The following ESR2 variants were observed in gnomAD, a reference collection of about 807,000 sequenced individuals.
ESR2 encodes estrogen receptor beta.
Under a neutral mutation model 49.6 loss-of-function variants are expected in ESR2, and 36 were observed. The ratio of observed to expected loss-of-function variants is 0.73; its 90% CI spans 0.56 to 0.96. ESR2 has a LOEUF of 0.96. Among genes scored for constraint, ESR2 ranks in the 40% least tolerant of loss-of-function variants. ESR2 has a pLI of 0.00. For synonymous variants in ESR2, 320 were observed against 266.1 expected (o/e 1.20, Z -1.97); for missense variants, 714 against 693.0 (o/e 1.03, Z -0.34).
intron 3 of ESR2, among the ~76,000 whole-genome samples, chr14:64,279,370 T>G (rs1329136561): frequency 6.6e-6 from 1 of 152,008 alleles, no homozygotes; most frequent in East Asian, 1.9e-4. Flanking sequence ...AGTTTGATTC[T>G]TTTCATCAAC....
intron 1 of ESR2, among the ~76,000 whole-genome samples, chr14:64,310,138 T>C (rs1453141473): frequency 6.6e-6 from 1 of 151,758 alleles, no homozygotes; most frequent in Non-Finnish European, 1.5e-5. Flanking sequence ...CCGAGCACGC[T>C]GGCAGGTGCC....
chr14:64,325,980 A>AATT lies in ESR2; in HGVS notation c.-91+11917_-91+11918insAAT, dbSNP rs564056972. On this transcript the variant is annotated intron_variant, in intron 1 of 8. Coordinates refer to the ESR2 transcript ENST00000358599. ...GGGAGGAGTCAACAATTATACACAG[A>AATT]TTTTTTTTTTTTTTGCATGATGGCC... is the stretch of plus-strand genomic sequence containing the variant. Among the ~76,000 whole-genome samples, 891 of 144,188 alleles carry AATT rather than the reference A, an allele frequency of 6.2e-3. 11 individuals are homozygous for AATT. The highest frequency in any genetic ancestry group is 0.021 in the African/African-American group (845 of 39,544). The allele number at this position is 144,188 out of a possible 152,430, so 94.6% of individuals were successfully genotyped here. A position where few individuals can be genotyped will look rare whatever the true frequency, so the allele number is the denominator to read the frequency against.
upstream of ESR2, chr14:64,298,356 T>TG (rs1447722416): frequency 6.6e-6 from 1 of 152,196 alleles, no homozygotes; most frequent in Admixed American, 6.5e-5. Context: ...CATGTGCATT[T>TG]GGTAGGGTGA....
At chr14:64,259,949 C>A (rs902850450) in intron 5 of ESR2, among the ~76,000 whole-genome samples, 6 of 152,092 alleles carry the variant, frequency 3.9e-5, no homozygotes, top group African/African-American at 1.4e-4. Context: ...TCATTTTAAC[C>A]ACGTTCCAGG....
chr14:64,308,082 A>G (rs1033586085), intron 1 of ESR2, among the ~76,000 whole-genome samples: 1 of 151,964 alleles, frequency 6.6e-6, no homozygotes, highest in Non-Finnish European at 1.5e-5. Context: ...TGGCATGAAC[A>G]TGCCTCAGTG....
chr14:64,280,381 G>A (rs2076641230), intron 2 of ESR2, among the ~76,000 whole-genome samples: 1 of 152,186 alleles, frequency 6.6e-6, no homozygotes. Flanking sequence ...GGGTAGGTGA[G>A]TTTATGCCCA....
chr14:64,232,894 A>T lies in ESR2; in HGVS notation c.*243T>A, dbSNP rs921279183. The stretch of plus-strand genomic sequence containing the variant: ...GTAAGAAAGACCACACTGAGATCCT[A>T]TGAGGCCATTGAGTGTGGAAACGCT... On this transcript the variant is annotated 3_prime_UTR_variant, in exon 9 of 9. Transcript: ENST00000341099. 2 of 577,970 alleles carry T rather than the reference A, an allele frequency of 3.5e-6. No homozygotes were observed. The highest frequency in any genetic ancestry group is 2.7e-6 in the Non-Finnish European group (1 of 372,708). The allele number at this position is 577,970 out of a possible 1,614,324, so 35.8% of individuals were successfully genotyped here.
At chr14:64,314,530 A>C (rs1413990291) in intron 1 of ESR2, among the ~76,000 whole-genome samples, 1 of 151,808 alleles carries the variant, frequency 6.6e-6, no homozygotes, top group Non-Finnish European at 1.5e-5. Flanking sequence ...ATTAAATGTA[A>C]AACAGGAAAA....
At chr14:64,329,198 G>C (rs1055432539) in intron 1 of ESR2, among the ~76,000 whole-genome samples, 5 of 151,932 alleles carry the variant, frequency 3.3e-5, no homozygotes, top group African/African-American at 1.2e-4. Flanking sequence ...GAGAGAGGAG[G>C]GGTAAGTACA....
downstream of ESR2, chr14:64,227,290 C>T (rs2098722267): frequency 1.9e-6 from 1 of 527,344 alleles, no homozygotes; most frequent in Non-Finnish European, 3.3e-6. Context: ...GAGACATCTG[C>T]AAGCCCTGGG....
chr14:64,296,111 G>C (rs1351819899), upstream of ESR2, among the ~76,000 whole-genome samples: 2 of 151,302 alleles, frequency 1.3e-5, no homozygotes, highest in Non-Finnish European at 2.9e-5. Context: ...GATATCTCTG[G>C]AAATGGAAAC....
rs1280281323 is a variant in ESR2 at position 64,257,508 on chromosome 14, C to G, written c.953-144G>C. 6 of 1,031,186 alleles carry G rather than the reference C, an allele frequency of 5.8e-6. No homozygotes were observed. In the Admixed American group the frequency reaches 1.7e-4, roughly 29 times the overall value. The allele number at this position is 1,031,186 out of a possible 1,614,324, so 63.9% of individuals were successfully genotyped here. On this transcript the variant is annotated intron_variant, in intron 5 of 8. Transcript: ENST00000341099. ...TATTTTATAGATGTGATTAACTGCTCATTAAAGGAAGAAAACTTTGAAGTT... is the reference window on the plus strand; with the variant it reads ...TATTTTATAGATGTGATTAACTGCTGATTAAAGGAAGAAAACTTTGAAGTT...
At chr14:64,261,232 C>CTTTTTTTTTTTTTTTTTTTTT (rs374264697) in intron 4 of ESR2, among the ~76,000 whole-genome samples, 1 of 88,682 alleles carries the variant, frequency 1.1e-5, no homozygotes, top group Admixed American at 1.4e-4. Context: ...TTTTATTTTT[C>CTTTTTTTTTTTTTTTTTTTTT]TTTTTTCTTT....
intron 1 of ESR2, chr14:64,303,538 C>T (rs974484840): frequency 6.6e-6 from 1 of 152,168 alleles, no homozygotes; most frequent in African/African-American, 2.4e-5. Flanking sequence ...TCCCTTCAAC[C>T]TCCAGTCCTG....
chr14:64,297,931 T>C (rs1419142702), upstream of ESR2, among the ~76,000 whole-genome samples: 1 of 152,158 alleles, frequency 6.6e-6, no homozygotes, highest in Non-Finnish European at 1.5e-5. Flanking sequence ...TGGGTATAAA[T>C]TGGTCTGTTT....
Position 64,234,973 on chromosome 14 carries a change from G to T in ESR2, c.1403C>A (p.Ala468Glu). 6.2e-7 allele frequency: 1 copy of T among 1,613,978 alleles called. No homozygotes were observed. The highest frequency in any genetic ancestry group is 1.1e-5 in the South Asian group (1 of 91,072). The change falls in exon 8 of 9, where the codon GCG becomes GAG. Residue 468 changes from alanine to glutamate, a missense_variant. Ala to Glu is a moderately radical substitution (Grantham distance 107). Transcript: ENST00000341099. The stretch of plus-strand genomic sequence containing the variant: ...AGCAGCTCCTTAGGGCGCGTACCTC[G>T]CATGCCTGACGTGGGACAGGAGCAT... ...LLMLLSHVRH[A>E]SNKGMEHLLN...
At chr14:64,240,046 G>T (rs997569072) in intron 7 of ESR2, among the ~76,000 whole-genome samples, 1 of 152,188 alleles carries the variant, frequency 6.6e-6, no homozygotes, top group Admixed American at 6.5e-5. Flanking sequence ...AAATTTAGCT[G>T]GATGACACAG....
rs542079527 is a variant in ESR2, at chr14:64,230,154, G to T, written c.*2983C>A. 6.7e-6 allele frequency among the ~76,000 whole-genome samples: 1 copy of T among 148,636 alleles called. No individual in the cohort carries two copies. Among genetic ancestry groups the T allele is most frequent in the South Asian group, 2.1e-4 (1 of 4,702 alleles). On this transcript the variant is annotated 3_prime_UTR_variant, in exon 9 of 9. Coordinates refer to ENST00000341099, the MANE Select transcript of ESR2 (RefSeq NM_001437.3). ...CGAGGCTGCAGTGAGCCATGATGGC[G>T]CCACTGCACTCTAGCCTGAGCAACA... is the stretch of plus-strand genomic sequence containing the variant.
chr14:64,308,489 A>C lies in ESR2; in HGVS notation c.-90-25414T>G, dbSNP rs2077140621. Among the ~76,000 whole-genome samples, 3 of 152,070 alleles carry C rather than the reference A, an allele frequency of 2.0e-5. No individual in the cohort carries two copies. In the South Asian group the frequency reaches 6.2e-4, roughly 32 times the overall value. ...AGTTTTATTTTCCAAACATTTGGAG[A>C]TTTTCTAGATATCCTTTTTATTGAT... On this transcript the variant is annotated intron_variant, in intron 1 of 8. Coordinates refer to the ESR2 transcript ENST00000358599.
Sources: gnomAD v4.1 joint callset for allele counts (sites outside exome capture counted in the v4.1 genomes callset) on GRCh38, gnomAD v4.1.1 for gene constraint, MANE v1.5 for transcripts, NCBI Gene and HGNC (gene_info 2026-07-23, HGNC 2026-07-21) for gene names.